XRCC5: variants seen among roughly 807,000 people sequenced by gnomAD.
XRCC5 encodes DNA repair protein Ku80.
XRCC5 carries 12 observed loss-of-function variants against 95.7 expected under a neutral mutation model. The observed-to-expected ratio is 0.13, with a 90% CI of 0.08 to 0.20. The LOEUF is 0.20. Among genes scored for constraint, XRCC5 ranks in the 10% least tolerant of loss-of-function variants. XRCC5 has a pLI of 1.00. For missense variants in XRCC5, 595 were observed against 873.9 expected (o/e 0.68, Z 4.02); for synonymous variants, 281 against 290.3 (o/e 0.97, Z 0.33).
intron 12 of XRCC5, among the ~76,000 whole-genome samples, chr2:216,140,757 A>C (rs11690584): frequency 6.6e-6 from 1 of 152,210 alleles, no homozygotes; most frequent in Non-Finnish European, 1.5e-5. Flanking sequence ...AAAGTCATTA[A>C]AATGCTTATG....
At chr2:216,109,535 G>A (rs2105995983) in intron 1 of XRCC5, 78 bp downstream of exon 1, 2 of 1,592,330 alleles carry the variant, frequency 1.3e-6, no homozygotes, top group Non-Finnish European at 1.7e-6. Context: ...GGAATCGTGG[G>A]ATCGCGGTCA....
At chr2:216,113,862 A>G (rs1400141054) in intron 2 of XRCC5, among the ~76,000 whole-genome samples, 2 of 152,332 alleles carry the variant, frequency 1.3e-5, no homozygotes, top group South Asian at 2.1e-4. Context: ...GACCCTGCCT[A>G]TGTGGCTTCT....
At chr2:216,186,888 T>G (rs561138099) in intron 16 of XRCC5, among the ~76,000 whole-genome samples, 20 of 152,280 alleles carry the variant, frequency 1.3e-4, no homozygotes, top group Admixed American at 4.6e-4. Context: ...GAATATTATT[T>G]TTTCAGCCAT....
chr2:216,194,737 G>A (rs1198257433), intron 18 of XRCC5, among the ~76,000 whole-genome samples, 182 bp from the exon 19 acceptor site: 3 of 152,166 alleles, frequency 2.0e-5, no homozygotes, highest in Admixed American at 6.5e-5. Flanking sequence ...TTGGGAGGCC[G>A]AGACGGGAGG....
At chr2:216,179,976 G>A (rs1689352530) in intron 16 of XRCC5, among the ~76,000 whole-genome samples, 1 of 152,180 alleles carries the variant, frequency 6.6e-6, no homozygotes, top group Non-Finnish European at 1.5e-5. Context: ...GAATTGTCAA[G>A]TTTTGCTGAT....
At chr2:216,194,772 A>T (rs1237286971) in intron 18 of XRCC5, 147 bp from the exon 19 acceptor site, 1 of 729,038 alleles carries the variant, frequency 1.4e-6, no homozygotes, top group Admixed American at 2.5e-5. Context: ...GGAGTCTGAG[A>T]CCAGCCTGGG....
chr2:216,205,243 G>T lies in XRCC5; in HGVS notation c.*41G>T, dbSNP rs1245353916. Reference sequence around the variant, plus strand: ...GGAATCTAAGAGAGCTGCCATCGCTGTGATGCTGGGAGTTCTAACAAAACA... The same window carrying T: ...GGAATCTAAGAGAGCTGCCATCGCTTTGATGCTGGGAGTTCTAACAAAACA... On this transcript the variant is annotated 3_prime_UTR_variant, in exon 21 of 21. Coordinates refer to ENST00000392132, the MANE Select transcript of XRCC5 (RefSeq NM_021141.4). 2 of 1,613,700 alleles carry T rather than the reference G, an allele frequency of 1.2e-6. No homozygotes were observed. The highest frequency in any genetic ancestry group is 2.2e-5 in the East Asian group (1 of 44,884).
At chr2:216,129,423 T>C (rs28565088) in intron 8 of XRCC5, among the ~76,000 whole-genome samples, 8,121 of 152,272 alleles carry the variant, frequency 0.053, 247 homozygotes, top group African/African-American at 0.086. Flanking sequence ...AAGTATACAA[T>C]GTACAAAAGT....
At chr2:216,160,303 G>A in intron 15 of XRCC5, 142 bp downstream of exon 15, 1 of 502,024 alleles carries the variant, frequency 2.0e-6, no homozygotes, top group Non-Finnish European at 3.5e-6. Context: ...CTCTATAGAA[G>A]CCAAAAAGAC....
chr2:216,132,268 C>A, intron 9 of XRCC5, 57 bp from the exon 10 acceptor site: 1 of 1,533,436 alleles, frequency 6.5e-7, no homozygotes, highest in South Asian at 1.1e-5. Context: ...CAATGTGTGT[C>A]ATGGTTATAC....
rs765471281 is a variant in XRCC5, at chr2:216,131,032, T to C, written c.1050+45T>C. 3 of 1,529,972 alleles carry C rather than the reference T, an allele frequency of 2.0e-6. No homozygotes were observed. The African/African-American group carries it at 4.1e-5, about 21-fold the overall frequency. 94.8% of individuals were successfully genotyped at this position (1,529,972 alleles called of 1,614,324 possible). The stretch of plus-strand genomic sequence containing the variant: ...AAATGAGCTTTTTCCTAGCTGTTAT[T>C]TGAAATGGTATGCTTTTGATTGGTC... On this transcript the variant is annotated intron_variant, in intron 9 of 20. Transcript: ENST00000392132.
chr2:216,144,793 A>G (rs147443739), intron 13 of XRCC5, among the ~76,000 whole-genome samples: 161 of 152,344 alleles, frequency 1.1e-3, no homozygotes, highest in African/African-American at 3.7e-3. Context: ...AGGCAGAAAG[A>G]CAAGTGAGTA....
chr2:216,161,663 G>T (rs1404643266), intron 15 of XRCC5, among the ~76,000 whole-genome samples: 2 of 152,200 alleles, frequency 1.3e-5, no homozygotes, highest in Admixed American at 1.3e-4. Flanking sequence ...GGATATACAG[G>T]CAGTCTGTGC....
intron 13 of XRCC5, among the ~76,000 whole-genome samples, chr2:216,143,158 A>G (rs190518924): frequency 5.9e-5 from 9 of 152,334 alleles, no homozygotes; most frequent in Admixed American, 2.0e-4. Flanking sequence ...TAAGTGTCCT[A>G]CTGAGTTCTA....
intron 16 of XRCC5, among the ~76,000 whole-genome samples, chr2:216,169,589 G>A (rs2106032224): frequency 6.6e-6 from 1 of 152,270 alleles, no homozygotes; most frequent in East Asian, 1.9e-4. Context: ...CCTTTTGGCA[G>A]TTAGAACATA....
intron 3 of XRCC5, chr2:216,117,453 A>T (rs1052013764): frequency 7.4e-5 from 28 of 377,806 alleles, no homozygotes; most frequent in Middle Eastern, 7.4e-4. Flanking sequence ...TGTGGCCACC[A>T]AGAATGGGTT....
At chr2:216,167,553 CGTGTGTGTGTGTGGGTTTGTGTGTGTGT>C (rs1689073347) in intron 16 of XRCC5, among the ~76,000 whole-genome samples, 1 of 141,852 alleles carries the variant, frequency 7.0e-6, no homozygotes, top group Admixed American at 7.4e-5. Context: ...AAATCTCTCT[CGTGTGTGTGTGTGGGTTTGTGTGTGTGT>C]GTGTGTGTGT....
intron 16 of XRCC5, among the ~76,000 whole-genome samples, chr2:216,181,174 A>T (rs1689379525): frequency 6.6e-6 from 1 of 151,926 alleles, no homozygotes; most frequent in Non-Finnish European, 1.5e-5. Flanking sequence ...CTTTCTAATC[A>T]TCTTCTAATT....
rs139506699 is a variant in XRCC5, at chr2:216,180,162, G to A, written c.1835-10063G>A. On this transcript the variant is annotated intron_variant, in intron 16 of 20. Coordinates refer to ENST00000392132, the MANE Select transcript of XRCC5 (RefSeq NM_021141.4). ...TAAATCGTGGAGAAGGAGCCATAGA[G>A]ACTTTAAGACATGAGACTGGAAGAG... is the stretch of plus-strand genomic sequence containing the variant. 3.3e-5 allele frequency among the ~76,000 whole-genome samples: 5 copies of A among 152,354 alleles called. No individual in the cohort carries two copies. The East Asian group carries it at 9.6e-4, about 29-fold the overall frequency.
Sources: allele counts gnomAD v4.1 joint callset (sites outside exome capture counted in the v4.1 genomes callset), GRCh38; gene constraint gnomAD v4.1.1; transcripts MANE v1.5; gene names NCBI Gene and HGNC (gene_info 2026-07-23, HGNC 2026-07-21).